CCDC88C: variants seen among roughly 807,000 people sequenced by gnomAD.
CCDC88C encodes the protein protein Daple.
A neutral mutation model predicts 198.8 loss-of-function variants in CCDC88C; 131 were observed. The observed-to-expected ratio is 0.66, with a 90% CI of 0.57 to 0.76. CCDC88C has a LOEUF of 0.76. Among genes scored for constraint, CCDC88C ranks in the 30% least tolerant of loss-of-function variants. CCDC88C has a pLI of 0.00. For synonymous variants in CCDC88C, 1,166 were observed against 1,114.7 expected, an observed-to-expected ratio of 1.05 and a Z score of -0.92; for missense variants, 2,553 against 2,631.6, an observed-to-expected ratio of 0.97 and a Z score of 0.65.
rs1007093548 is a variant in CCDC88C at position 91,352,466 on chromosome 14, C to A, written c.340+7176G>T. ...AACAAGCAGCACAGAAGCAAAGAAG[C>A]AGGATAGAAACGGGGTAGTTTAAAA... On this transcript the variant is annotated intron_variant, in intron 4 of 29. Coordinates refer to ENST00000389857, the MANE Select transcript of CCDC88C (RefSeq NM_001080414.4). The surrounding 1 kb of genome is among the most constrained non-coding windows in gnomAD (Gnocchi z 4.2). 6.6e-6 allele frequency among the ~76,000 whole-genome samples: 1 copy of A among 152,222 alleles called. No individual in the cohort carries two copies. The highest frequency in any genetic ancestry group is 2.4e-5 in the African/African-American group (1 of 41,452).
chr14:91,322,635 A>G (rs2139823859), intron 12 of CCDC88C, among the ~76,000 whole-genome samples: 1 of 152,260 alleles, frequency 6.6e-6, no homozygotes, highest in Middle Eastern at 3.4e-3. Flanking sequence ...GGGTGAACCC[A>G]TTTTTAAAAT....
chr14:91,280,545 A>C (rs909909280), intron 27 of CCDC88C, among the ~76,000 whole-genome samples: 4 of 152,230 alleles, frequency 2.6e-5, no homozygotes, highest in Admixed American at 6.5e-5. Flanking sequence ...TCAACGGCCC[A>C]AAAGCACCAT....
intron 3 of CCDC88C, among the ~76,000 whole-genome samples, chr14:91,369,788 T>C: frequency 6.6e-6 from 1 of 152,178 alleles, no homozygotes; most frequent in Non-Finnish European, 1.5e-5. Context: ...ATCCATCTGT[T>C]CCACCTCATT....
At chr14:91,383,469 C>T (rs1481097425) in intron 3 of CCDC88C, among the ~76,000 whole-genome samples, 2 of 152,140 alleles carry the variant, frequency 1.3e-5, no homozygotes, top group African/African-American at 4.8e-5. Context: ...CTTGGGCACT[C>T]AGATGTCCGG....
chr14:91,282,495 G>C (rs890715782), intron 26 of CCDC88C, among the ~76,000 whole-genome samples: 3 of 151,936 alleles, frequency 2.0e-5, no homozygotes, highest in African/African-American at 7.3e-5. Context: ...CTTCCCTGTT[G>C]CTTTTTTATA....
intron 3 of CCDC88C, among the ~76,000 whole-genome samples, chr14:91,407,805 A>G (rs1389572310): frequency 6.6e-6 from 1 of 152,032 alleles, no homozygotes; most frequent in Non-Finnish European, 1.5e-5. Flanking sequence ...TGTTTTTGAG[A>G]TGGAGTCGTG....
intron 25 of CCDC88C, among the ~76,000 whole-genome samples, chr14:91,287,114 T>C (rs1890442308): frequency 6.6e-6 from 1 of 152,212 alleles, no homozygotes; most frequent in Non-Finnish European, 1.5e-5. Flanking sequence ...TTATAGTTAA[T>C]TAATTCCACT....
intron 3 of CCDC88C, among the ~76,000 whole-genome samples, chr14:91,393,416 A>C (rs1477261312): frequency 6.6e-6 from 1 of 152,196 alleles, no homozygotes; most frequent in South Asian, 2.1e-4. Flanking sequence ...CGAAGGAAGA[A>C]ACAAGGGCAA....
chr14:91,389,873 C>G (rs1297383097), intron 3 of CCDC88C, among the ~76,000 whole-genome samples: 1 of 151,710 alleles, frequency 6.6e-6, no homozygotes, highest in African/African-American at 2.4e-5. Flanking sequence ...GAGATGGAGA[C>G]CATCCTGGCT....
At chr14:91,413,251 T>A (rs1414233425) in intron 2 of CCDC88C, among the ~76,000 whole-genome samples, 1 of 152,162 alleles carries the variant, frequency 6.6e-6, no homozygotes, top group Non-Finnish European at 1.5e-5. Context: ...CTGGGCCTCA[T>A]CTGCACAATG....
At chr14:91,289,663 C>T (rs1890577466) in intron 24 of CCDC88C, among the ~76,000 whole-genome samples, 1 of 152,186 alleles carries the variant, frequency 6.6e-6, no homozygotes, top group Non-Finnish European at 1.5e-5. Flanking sequence ...AAAGCCATTT[C>T]CATGAATCTC....
rs1468807736 is a variant in CCDC88C, at chr14:91,291,170, T to C, written c.4113-86A>G. 9 of 766,680 alleles carry C rather than the reference T, an allele frequency of 1.2e-5. No individual in the cohort carries two copies. The East Asian group carries it at 2.4e-4, about 20-fold the overall frequency. The allele number at this position is 766,680 out of a possible 1,614,324, so 47.5% of individuals were successfully genotyped here. On this transcript the variant is annotated intron_variant, in intron 23 of 29. Transcript: ENST00000389857. ...CTCATCGGCCCAGCCTGGAACCTGGTGTACCCGGGGCTGGTATTTTTCCAG... is the reference window on the plus strand; with the variant it reads ...CTCATCGGCCCAGCCTGGAACCTGGCGTACCCGGGGCTGGTATTTTTCCAG...
rs1217372805 is a variant in CCDC88C, at chr14:91,273,807, C to T, written c.5059-154G>A. 6.6e-6 allele frequency among the ~76,000 whole-genome samples: 1 copy of T among 152,230 alleles called. No individual in the cohort carries two copies. The stretch of plus-strand genomic sequence containing the variant: ...AGGCACATGTGCCGCCTCCACCACA[C>T]ACACCAGCCCTGGGCAGGATGGTGA... On this transcript the variant is annotated intron_variant, in intron 29 of 29. Coordinates refer to ENST00000389857, the MANE Select transcript of CCDC88C (RefSeq NM_001080414.4). This position sits in a 1 kb window ranked among gnomAD's most constrained non-coding sequence, Gnocchi z 5.6.
At chr14:91,364,076 C>T (rs112985005) in intron 3 of CCDC88C, among the ~76,000 whole-genome samples, 112 of 152,396 alleles carry the variant, frequency 7.3e-4, no homozygotes, top group African/African-American at 2.4e-3. Flanking sequence ...CCTTGTGCCA[C>T]TCTAGTCTTT....
chr14:91,314,248 G>A (rs908463614), intron 14 of CCDC88C, 98 bp from the exon 15 acceptor site: 22 of 987,764 alleles, frequency 2.2e-5, no homozygotes, highest in African/African-American at 8.1e-5. Flanking sequence ...GGCCTTGAAC[G>A]GCTGTCCTAC....
chr14:91,311,360 T>G (rs1891815224), intron 15 of CCDC88C, among the ~76,000 whole-genome samples: 1 of 152,264 alleles, frequency 6.6e-6, no homozygotes, highest in Admixed American at 6.5e-5. Flanking sequence ...GTGTGGAGAC[T>G]GCTCAGTGTT....
chr14:91,399,251 A>T (rs1424011602), intron 3 of CCDC88C, among the ~76,000 whole-genome samples: 4 of 152,120 alleles, frequency 2.6e-5, no homozygotes, highest in Non-Finnish European at 5.9e-5. Flanking sequence ...GACACCAGTG[A>T]CACCAAGCTG....
intron 29 of CCDC88C, among the ~76,000 whole-genome samples, chr14:91,274,144 C>T (rs1889860694): frequency 6.7e-6 from 1 of 150,290 alleles, no homozygotes; most frequent in South Asian, 2.1e-4. Context: ...ACGCCGGAAC[C>T]TTCACTGCCA....
chr14:91,321,788 G>A (rs1432720771), intron 12 of CCDC88C, among the ~76,000 whole-genome samples: 3 of 152,206 alleles, frequency 2.0e-5, no homozygotes, highest in African/African-American at 7.2e-5. Flanking sequence ...TCGGGCACTT[G>A]TCAGCCTGGA....
Sources: allele counts gnomAD v4.1 joint callset (sites outside exome capture counted in the v4.1 genomes callset), GRCh38; gene constraint gnomAD v4.1.1; non-coding constraint Gnocchi (gnomAD v3.1); transcripts MANE v1.5; gene names NCBI Gene and HGNC (gene_info 2026-07-23, HGNC 2026-07-21).